The following RBFOX3 variants were observed in gnomAD, a reference collection of about 807,000 sequenced individuals.
RBFOX3 encodes the protein RNA binding protein fox-1 homolog 3.
In RBFOX3, 17 loss-of-function variants were observed where a neutral mutation model predicts 48.7. The observed-to-expected ratio is 0.35, with a 90% CI of 0.24 to 0.52. The LOEUF is 0.52. Ranked by LOEUF, RBFOX3 falls within the 20% of genes least tolerant of loss-of-function variation. The pLI is 0.94. For synonymous variants in RBFOX3, 212 were observed against 209.5 expected (o/e 1.01, Z -0.10); for missense variants, 382 against 497.5 (o/e 0.77, Z 2.21).
rs1395479146 is a variant in RBFOX3 at position 79,107,498 on chromosome 17, C to T, written c.223-710G>A. Reference sequence around the variant, plus strand: ...GCTCGCTGTGAGAAGGCAGGGGTGTCGCCCGAGGCAGCGCAGTGTGGCCTG... The same window carrying T: ...GCTCGCTGTGAGAAGGCAGGGGTGTTGCCCGAGGCAGCGCAGTGTGGCCTG... On this transcript the variant is annotated intron_variant, in intron 5 of 14. Coordinates refer to ENST00000693108, the MANE Select transcript of RBFOX3 (RefSeq NM_001350451.2). Among the ~76,000 whole-genome samples, 7 of 152,350 alleles carry T rather than the reference C, an allele frequency of 4.6e-5. No homozygotes were observed. The South Asian group carries it at 1.0e-3, about 23-fold the overall frequency.
intron 1 of RBFOX3, among the ~76,000 whole-genome samples, chr17:79,520,076 G>A (rs1246282201): frequency 6.6e-6 from 1 of 152,204 alleles, no homozygotes; most frequent in Non-Finnish European, 1.5e-5. Flanking sequence ...GTGCAGTCGA[G>A]GACACCGAGG....
intron 2 of RBFOX3, among the ~76,000 whole-genome samples, chr17:79,326,236 C>T (rs979323714): frequency 1.3e-5 from 2 of 152,150 alleles, no homozygotes; most frequent in African/African-American, 4.8e-5. Context: ...ATCAGCACTT[C>T]CTAGCGTCTC....
intron 2 of RBFOX3, among the ~76,000 whole-genome samples, chr17:79,420,947 A>G (rs1555721964): frequency 6.6e-6 from 1 of 152,146 alleles, no homozygotes; most frequent in East Asian, 1.9e-4. Flanking sequence ...TACACCTCCC[A>G]AGCCGCCATG....
intron 2 of RBFOX3, among the ~76,000 whole-genome samples, chr17:79,468,141 TCCCACCCTGAAC>T (rs2076558073): frequency 6.6e-6 from 1 of 152,224 alleles, no homozygotes; most frequent in South Asian, 2.1e-4. Flanking sequence ...CATTTGCCCT[TCCCACCCTGAAC>T]CCCACACGCT....
At chr17:79,183,105 G>A (rs1470668626) in intron 4 of RBFOX3, among the ~76,000 whole-genome samples, 1 of 147,746 alleles carries the variant, frequency 6.8e-6, no homozygotes, top group African/African-American at 2.4e-5. Context: ...CAGGGGCGCA[G>A]TTCCCCCTAC....
chr17:79,530,336 G>A (rs1198770223), intron 1 of RBFOX3, among the ~76,000 whole-genome samples: 4 of 152,158 alleles, frequency 2.6e-5, no homozygotes, highest in Admixed American at 6.5e-5. Context: ...CCTGGCCCTC[G>A]TCCCTCTGCG....
In RBFOX3 at chr17:79,115,787, G is replaced by A. The variant is rs748424268; in HGVS notation, c.-33-39C>T. 6.4e-6 allele frequency: 4 copies of A among 624,228 alleles called. No individual in the cohort carries two copies. In the South Asian group the frequency reaches 7.2e-5, roughly 11 times the overall value. 38.7% of individuals were successfully genotyped at this position (624,228 alleles called of 1,614,324 possible). A position where few individuals can be genotyped will look rare whatever the true frequency, so the allele number is the denominator to read the frequency against. ...GAGAGCAAGGCCTGGTTAGAATCTT[G>A]TCCCCTTCCCGGAGCCCCTGAGGAT... On this transcript the variant is annotated intron_variant, in intron 4 of 14. Coordinates refer to ENST00000693108, the MANE Select transcript of RBFOX3 (RefSeq NM_001350451.2).
At chr17:79,591,921 G>A (rs1220686952) in intron 1 of RBFOX3, among the ~76,000 whole-genome samples, 1 of 151,712 alleles carries the variant, frequency 6.6e-6, no homozygotes, top group Non-Finnish European at 1.5e-5. Context: ...TGTGTGGAGG[G>A]TGTGTGGAGG....
chr17:79,219,016 G>A (rs1567862381), intron 4 of RBFOX3, among the ~76,000 whole-genome samples: 2 of 152,264 alleles, frequency 1.3e-5, no homozygotes, highest in South Asian at 2.1e-4. Context: ...CCTGCTCTGC[G>A]GACCCCCTGC....
chr17:79,475,981 C>T (rs1055862485), intron 2 of RBFOX3, among the ~76,000 whole-genome samples: 7 of 152,338 alleles, frequency 4.6e-5, no homozygotes, highest in South Asian at 4.1e-4. Flanking sequence ...TCTGTGATGG[C>T]AGTCACGGGA....
the RBFOX3 span, among the ~76,000 whole-genome samples, chr17:79,620,599 G>A: frequency 6.3e-3 from 638 of 100,810 alleles, 4 homozygotes; most frequent in African/African-American, 0.023. Context: ...ACACACGCAC[G>A]CACGCACACA....
intron 2 of RBFOX3, among the ~76,000 whole-genome samples, chr17:79,433,823 G>C (rs2068913620): frequency 6.6e-6 from 1 of 152,226 alleles, no homozygotes; most frequent in Admixed American, 6.5e-5. Context: ...GGCTCCCGGG[G>C]AAATACATGG....
chr17:79,542,522 G>A (rs2089862496), intron 1 of RBFOX3, among the ~76,000 whole-genome samples: 1 of 152,236 alleles, frequency 6.6e-6, no homozygotes. Context: ...GGTGGCTGAC[G>A]CCTGTAATCC....
At position 79,481,806 on chromosome 17, in the gene RBFOX3, T is replaced by C. The variant is rs1363331317; in HGVS notation, c.-175+648A>G. On this transcript the variant is annotated intron_variant, in intron 2 of 14. Coordinates refer to ENST00000693108, the MANE Select transcript of RBFOX3 (RefSeq NM_001350451.2). This position sits in a 1 kb window ranked among gnomAD's most constrained non-coding sequence, Gnocchi z 5.4. ...TTTGTTGCTGTCGTTCTGTGAACTGTAGCAAATTATCAAAACTGAGGGGTC... is the reference window on the plus strand; with the variant it reads ...TTTGTTGCTGTCGTTCTGTGAACTGCAGCAAATTATCAAAACTGAGGGGTC... Among the ~76,000 whole-genome samples the C allele has an allele frequency of 6.6e-6, 1 of 152,228 alleles. No individual in the cohort carries two copies. The highest frequency in any genetic ancestry group is 2.4e-5 in the African/African-American group (1 of 41,460).
chr17:79,495,676 GACAGGC>G (rs2081406279), intron 1 of RBFOX3, among the ~76,000 whole-genome samples: 1 of 141,980 alleles, frequency 7.0e-6, no homozygotes, highest in South Asian at 2.4e-4. Context: ...GAATGCATGG[GACAGGC>G]ACAGGTACAT....
At chr17:79,621,245 C>T in the RBFOX3 span, among the ~76,000 whole-genome samples, 4 of 151,972 alleles carry the variant, frequency 2.6e-5, no homozygotes, top group South Asian at 2.1e-4. Flanking sequence ...GTGATCCGCC[C>T]GCCTCGGCCT....
intron 3 of RBFOX3, among the ~76,000 whole-genome samples, chr17:79,275,760 T>C (rs897791755): frequency 2.0e-5 from 3 of 152,168 alleles, no homozygotes; most frequent in Non-Finnish European, 4.4e-5. Flanking sequence ...TGGTGGGCTA[T>C]GGATGGTCAG....
intron 9 of RBFOX3, among the ~76,000 whole-genome samples, chr17:79,101,131 G>C (rs904446968): frequency 1.1e-4 from 17 of 152,136 alleles, no homozygotes; most frequent in Admixed American, 9.8e-4. Context: ...AACTCAGAGA[G>C]GTCTAGAAGC....
chr17:79,174,474 A>G (rs1006232714), intron 4 of RBFOX3, among the ~76,000 whole-genome samples: 2 of 151,930 alleles, frequency 1.3e-5, no homozygotes. Flanking sequence ...CACACAATGC[A>G]GTCACACACG....
Sources: allele counts gnomAD v4.1 joint callset (sites outside exome capture counted in the v4.1 genomes callset), GRCh38; gene constraint gnomAD v4.1.1; non-coding constraint Gnocchi (gnomAD v3.1); transcripts MANE v1.5; gene names NCBI Gene and HGNC (gene_info 2026-07-23, HGNC 2026-07-21).